ELP4: variants seen among roughly 807,000 people sequenced by gnomAD.
The protein encoded by ELP4 is elongator complex protein 4.
ELP4 carries 51 observed loss-of-function variants against 48.9 expected under a neutral mutation model. The ratio of observed to expected loss-of-function variants is 1.04; its 90% confidence interval spans 0.83 to 1.32. The LOEUF (loss-of-function observed/expected upper bound fraction) is 1.32, where lower values mean the gene tolerates loss of function less well. ELP4 is among the 40% of genes most tolerant of loss of function. The pLI, the probability that ELP4 is intolerant of heterozygous loss-of-function variation, is 0.00. For synonymous variants in ELP4, 210 were observed against 189.2 expected, an observed-to-expected ratio of 1.11 and a Z score of -0.90; for missense variants, 519 against 514.6, an observed-to-expected ratio of 1.01 and a Z score of -0.08.
chr11:31,554,915 A>G (rs1374437538), intron 3 of ELP4, among the ~76,000 whole-genome samples: 1 of 152,182 alleles, frequency 6.6e-6, no homozygotes, highest in Non-Finnish European at 1.5e-5. Flanking sequence ...TTTATGTAGC[A>G]TTTCAGATTT....
rs540320820 is a variant in ELP4, at chr11:31,720,629, G to A, written c.1144-62764G>A. On this transcript the variant is annotated intron_variant, in intron 9 of 9. Coordinates refer to ENST00000640961, the MANE Select transcript of ELP4 (RefSeq NM_019040.5). ...AATTTGAACTCACTGAAACTTACAC[G>A]TTAACTGAGAGGAGTACTAAGTAAT... Among the ~76,000 whole-genome samples the A allele has an allele frequency of 8.5e-5, 13 of 152,240 alleles. No individual in the cohort carries two copies. The South Asian group carries it at 2.1e-3, about 24-fold the overall frequency.
chr11:31,767,333 G>A (rs778671897), intron 9 of ELP4: 1 of 151,364 alleles, frequency 6.6e-6, no homozygotes, highest in Non-Finnish European at 1.5e-5. Flanking sequence ...TAGCCGATTC[G>A]GTGTATGAAG....
intron 9 of ELP4, among the ~76,000 whole-genome samples, chr11:31,686,623 AT>A (rs931356789): frequency 2.6e-5 from 4 of 152,114 alleles, no homozygotes; most frequent in Non-Finnish European, 4.4e-5. Flanking sequence ...GCTCACAAGT[AT>A]AATCCTAGCA....
At chr11:31,610,474 G>C (rs1304611468) in intron 5 of ELP4, among the ~76,000 whole-genome samples, 1 of 152,130 alleles carries the variant, frequency 6.6e-6, no homozygotes. Context: ...CCGGTAGTGA[G>C]CATAGTACCC....
chr11:31,775,201 T>C (rs888756776), intron 9 of ELP4, among the ~76,000 whole-genome samples: 1 of 152,228 alleles, frequency 6.6e-6, no homozygotes, highest in Non-Finnish European at 1.5e-5. Context: ...TTCACACATA[T>C]ACCTCCCTGA....
chr11:31,681,046 G>A (rs1565109121), intron 9 of ELP4, among the ~76,000 whole-genome samples: 1 of 152,066 alleles, frequency 6.6e-6, no homozygotes, highest in Non-Finnish European at 1.5e-5. Context: ...ATAAATGTCA[G>A]TATATCCTGA....
At chr11:31,711,247 GA>G (rs1946737966) in intron 9 of ELP4, among the ~76,000 whole-genome samples, 1 of 152,144 alleles carries the variant, frequency 6.6e-6, no homozygotes, top group Non-Finnish European at 1.5e-5. Flanking sequence ...GGACACTTTT[GA>G]AAATGAAGAC....
intron 1 of ELP4, among the ~76,000 whole-genome samples, chr11:31,516,930 T>C (rs1394108657): frequency 6.6e-6 from 1 of 152,218 alleles, no homozygotes; most frequent in African/African-American, 2.4e-5. Context: ...GAACTTAAAA[T>C]ATAAAGTCTT....
At chr11:31,736,474 A>G (rs1175657482) in intron 9 of ELP4, among the ~76,000 whole-genome samples, 4 of 152,168 alleles carry the variant, frequency 2.6e-5, no homozygotes, top group Non-Finnish European at 4.4e-5. Flanking sequence ...AAATTGACAA[A>G]TGGGATCTAA....
intron 9 of ELP4, among the ~76,000 whole-genome samples, chr11:31,758,121 TCAAA>T (rs983876126): frequency 2.0e-5 from 3 of 152,198 alleles, no homozygotes; most frequent in Non-Finnish European, 4.4e-5. Flanking sequence ...TATTTTCAAG[TCAAA>T]CAATGATTAA....
At chr11:31,678,854 A>T (rs1196425776) in intron 9 of ELP4, among the ~76,000 whole-genome samples, 2 of 152,164 alleles carry the variant, frequency 1.3e-5, no homozygotes, top group Non-Finnish European at 2.9e-5. Flanking sequence ...CAGTAGCTAC[A>T]CCATTTTAAA....
chr11:31,713,454 T>C (rs1946782273), intron 9 of ELP4, among the ~76,000 whole-genome samples: 1 of 152,200 alleles, frequency 6.6e-6, no homozygotes, highest in Admixed American at 6.5e-5. Context: ...ATAATGATTA[T>C]ACAAACAATT....
intron 6 of ELP4, among the ~76,000 whole-genome samples, chr11:31,631,471 C>T (rs968048181): frequency 6.6e-6 from 1 of 152,110 alleles, no homozygotes; most frequent in Non-Finnish European, 1.5e-5. Flanking sequence ...ATTTACAAAA[C>T]ATTTATTTAG....
chr11:31,766,337 C>A (rs1948040238), intron 9 of ELP4, among the ~76,000 whole-genome samples: 1 of 152,012 alleles, frequency 6.6e-6, no homozygotes, highest in Admixed American at 6.6e-5. Context: ...AGTTGTATAT[C>A]TACCTGTTAA....
Position 31,783,759 on chromosome 11 carries a change from G to A in ELP4, c.*235G>A, listed in dbSNP as rs527504267. ...AAAATAATTTTATTTTTAAATAAAC[G>A]CCAAAAAATGTCAAAATCTCAAGAT... On this transcript the variant is annotated 3_prime_UTR_variant, in exon 10 of 10. Coordinates refer to ENST00000640961, the MANE Select transcript of ELP4 (RefSeq NM_019040.5). 1.3e-5 allele frequency: 5 copies of A among 371,092 alleles called. No homozygotes were observed. The highest frequency in any genetic ancestry group is 1.2e-4 in the South Asian group (2 of 16,474). The allele number at this position is 371,092 out of a possible 1,614,324, so 23.0% of individuals were successfully genotyped here.
intron 3 of ELP4, among the ~76,000 whole-genome samples, chr11:31,551,339 T>A (rs1023607776): frequency 7.6e-4 from 115 of 152,204 alleles, no homozygotes; most frequent in Non-Finnish European, 1.0e-4. Flanking sequence ...AGTTATCCAT[T>A]TGTAAAGTGC....
At chr11:31,673,743 C>A (rs1378856021) in intron 9 of ELP4, among the ~76,000 whole-genome samples, 1 of 152,140 alleles carries the variant, frequency 6.6e-6, no homozygotes, top group Non-Finnish European at 1.5e-5. Flanking sequence ...ACTTTATATG[C>A]TATAGATATG....
intron 9 of ELP4, chr11:31,663,273 TAA>T (rs1270153038): frequency 6.6e-6 from 1 of 152,016 alleles, no homozygotes; most frequent in East Asian, 1.9e-4. Context: ...CTAGAAATGT[TAA>T]AAGTTTTGAA....
At chr11:31,725,403 C>G (rs559244557) in intron 9 of ELP4, among the ~76,000 whole-genome samples, 32 of 152,248 alleles carry the variant, frequency 2.1e-4, no homozygotes, top group Non-Finnish European at 3.8e-4. Context: ...TTCCTACATC[C>G]TTGCCAGGCC....
Sources: gnomAD v4.1 joint callset for allele counts (sites outside exome capture counted in the v4.1 genomes callset) on GRCh38, gnomAD v4.1.1 for gene constraint, MANE v1.5 for transcripts, NCBI Gene and HGNC (gene_info 2026-07-23, HGNC 2026-07-21) for gene names.